PDE3A: variants seen among roughly 807,000 people sequenced by gnomAD.
PDE3A encodes phosphodiesterase 3A.
In PDE3A, 43 loss-of-function variants were observed where a neutral mutation model predicts 98.3. The observed-to-expected ratio is 0.44, with a 90% CI of 0.34 to 0.56. The LOEUF is 0.56. Ranked by LOEUF, PDE3A falls within the 20% of genes least tolerant of loss-of-function variation. PDE3A has a pLI of 0.01. For missense variants in PDE3A, 1,427 were observed against 1,440.7 expected, an observed-to-expected ratio of 0.99 and a Z score of 0.15; for synonymous variants, 663 against 567.9, an observed-to-expected ratio of 1.17 and a Z score of -2.38.
At chr12:20,591,827 CAG>C (rs1943345995) in intron 2 of PDE3A, among the ~76,000 whole-genome samples, 1 of 152,132 alleles carries the variant, frequency 6.6e-6, no homozygotes, top group African/African-American at 2.4e-5. Flanking sequence ...CATAGCCAAA[CAG>C]ATTGTAATAA....
intron 15 of PDE3A, among the ~76,000 whole-genome samples, chr12:20,674,134 G>T (rs1290918142): frequency 6.6e-6 from 1 of 152,088 alleles, no homozygotes; most frequent in Non-Finnish European, 1.5e-5. Context: ...TTGGTATATA[G>T]AAATACTACT....
intron 2 of PDE3A, among the ~76,000 whole-genome samples, chr12:20,567,276 T>G (rs1489448688): frequency 1.3e-5 from 2 of 152,040 alleles, no homozygotes; most frequent in African/African-American, 4.8e-5. Context: ...TGAGGAAATC[T>G]GTTAATCCAT....
intron 2 of PDE3A, among the ~76,000 whole-genome samples, chr12:20,604,421 T>C (rs976426154): frequency 7.2e-5 from 11 of 152,024 alleles, no homozygotes; most frequent in African/African-American, 2.4e-4. Context: ...AAAACTCTGC[T>C]TTCCAACTTC....
intron 1 of PDE3A, among the ~76,000 whole-genome samples, chr12:20,397,953 T>G (rs547377432): frequency 6.6e-5 from 10 of 152,106 alleles, no homozygotes; most frequent in Non-Finnish European, 1.5e-4. Flanking sequence ...AGTAGATGAT[T>G]TATTGAATAC....
intron 1 of PDE3A, among the ~76,000 whole-genome samples, chr12:20,380,466 CT>C (rs1461159340): frequency 1.3e-5 from 2 of 151,692 alleles, no homozygotes; most frequent in Non-Finnish European, 1.5e-5. Flanking sequence ...TAGAACTTGA[CT>C]TGTGAAAATC....
Position 20,635,806 on chromosome 12 carries a change from T to TATTTC in PDE3A, c.2001+753_2001+757dup, listed in dbSNP as rs530549283. On this transcript the variant is annotated intron_variant, in intron 8 of 15. Coordinates refer to ENST00000359062, the MANE Select transcript of PDE3A (RefSeq NM_000921.5). ...CTCTGAAACATGAGATTTACAGATG[T>TATTTC]ATTTCATCCGGATTAAACATGTATT... Among the ~76,000 whole-genome samples, 141 of 151,722 alleles carry TATTTC rather than the reference T, an allele frequency of 9.3e-4. 5 individuals are homozygous for TATTTC. In the South Asian group the frequency reaches 0.028, roughly 31 times the overall value.
At chr12:20,562,004 A>G (rs112773908) in intron 2 of PDE3A, among the ~76,000 whole-genome samples, 78 of 152,278 alleles carry the variant, frequency 5.1e-4, no homozygotes, top group African/African-American at 1.6e-3. Context: ...CTCAAATAGT[A>G]GATCACCCAA....
chr12:20,386,039 A>AAATATATGTAAAATATATAG (rs1943761888), intron 1 of PDE3A, among the ~76,000 whole-genome samples: 1 of 80,674 alleles, frequency 1.2e-5, no homozygotes, highest in East Asian at 3.1e-4. Flanking sequence ...AAATATATAT[A>AAATATATGTAAAATATATAG]AAATATATAT....
intron 1 of PDE3A, among the ~76,000 whole-genome samples, chr12:20,520,786 G>T (rs1342119917): frequency 1.3e-5 from 2 of 152,184 alleles, no homozygotes; most frequent in Non-Finnish European, 2.9e-5. Context: ...TCAGAGTCAG[G>T]CAAACAGAAG....
At chr12:20,582,485 T>C (rs1183677072) in intron 2 of PDE3A, among the ~76,000 whole-genome samples, 1 of 152,120 alleles carries the variant, frequency 6.6e-6, no homozygotes, top group Non-Finnish European at 1.5e-5. Flanking sequence ...ATTATTTTGA[T>C]GGAAATAACA....
intron 9 of PDE3A, 91 bp from the exon 10 acceptor site, chr12:20,639,755 C>A: frequency 3.2e-6 from 2 of 626,036 alleles, no homozygotes; most frequent in South Asian, 2.0e-5. Flanking sequence ...TAATGTTTTC[C>A]GTTACCGATA....
At chr12:20,611,178 TA>T (rs1191095380) in intron 2 of PDE3A, among the ~76,000 whole-genome samples, 1 of 151,532 alleles carries the variant, frequency 6.6e-6, no homozygotes, top group Non-Finnish European at 1.5e-5. Context: ...AAATTATTTT[TA>T]AAATAAGTAA....
At chr12:20,675,311 G>C (rs573482694) in intron 15 of PDE3A, among the ~76,000 whole-genome samples, 6 of 152,194 alleles carry the variant, frequency 3.9e-5, no homozygotes, top group African/African-American at 1.4e-4. Flanking sequence ...AAAATGTTTT[G>C]AGACTTATTT....
At chr12:20,672,946 C>A (rs1300069383) in intron 15 of PDE3A, among the ~76,000 whole-genome samples, 4 of 149,260 alleles carry the variant, frequency 2.7e-5, no homozygotes, top group African/African-American at 9.9e-5. Flanking sequence ...TCACAACCTA[C>A]TCATCTGACA....
chr12:20,543,271 A>T (rs533998157), intron 1 of PDE3A, among the ~76,000 whole-genome samples: 1 of 138,940 alleles, frequency 7.2e-6, no homozygotes, highest in African/African-American at 2.6e-5. Context: ...TTTTTTTTTT[A>T]AACAGGCCTA....
chr12:20,666,053 C>T (rs1328680523), intron 15 of PDE3A, among the ~76,000 whole-genome samples: 4 of 150,318 alleles, frequency 2.7e-5, no homozygotes, highest in East Asian at 2.0e-4. Flanking sequence ...AAGCTCACTC[C>T]GTCTCCTGGG....
chr12:20,680,266 C>T lies in PDE3A; in HGVS notation c.3421C>T (p.Gln1141Ter), dbSNP rs780952258. Residue 1141 changes from glutamine to a stop codon, truncating the protein, a stop_gained, in exon 16 of 16, where the codon CAG (glutamine) becomes TAG (stop). Coordinates refer to ENST00000359062, the MANE Select transcript of PDE3A (RefSeq NM_000921.5). LOFTEE classifies it high-confidence loss of function. ...GGAGATACCAACCCAAAAGCCAGAC[C>T]AGTGACAATGGATAGAATGGGCTGT... ...GEEIPTQKPD[Q>*] 15 of 1,613,650 alleles carry T rather than the reference C, an allele frequency of 9.3e-6. No homozygotes were observed. The South Asian group carries it at 1.2e-4, about 13-fold the overall frequency.
chr12:20,596,504 T>TA (rs768353629), intron 2 of PDE3A, among the ~76,000 whole-genome samples: 6 of 152,156 alleles, frequency 3.9e-5, no homozygotes, highest in Non-Finnish European at 8.8e-5. Flanking sequence ...TAACCCAGAC[T>TA]TGTAGACAGA....
chr12:20,639,518 A>C (rs888103072), intron 9 of PDE3A, among the ~76,000 whole-genome samples: 1 of 152,078 alleles, frequency 6.6e-6, no homozygotes, highest in African/African-American at 2.4e-5. Context: ...AAATATGTAT[A>C]TATTTTTGCC....
Sources: gnomAD v4.1 joint callset for allele counts (sites outside exome capture counted in the v4.1 genomes callset) on GRCh38, gnomAD v4.1.1 for gene constraint, MANE v1.5 for transcripts, NCBI Gene and HGNC (gene_info 2026-07-23, HGNC 2026-07-21) for gene names.